Variants in LIPI observed in about 807,000 individuals in gnomAD.
The protein encoded by LIPI is lipase member I.
A neutral mutation model predicts 50.6 loss-of-function variants in LIPI; 59 were observed. The ratio of observed to expected loss-of-function variants is 1.16; its 90% confidence interval spans 0.94 to 1.45. LIPI has a LOEUF of 1.45. Ranked by LOEUF, LIPI falls within the 40% of genes most tolerant of loss-of-function variation. LIPI has a pLI of 0.00. For synonymous variants in LIPI, 203 were observed against 178.2 expected (o/e 1.14, Z -1.11); for missense variants, 586 against 536.3 (o/e 1.09, Z -0.92).
intron 2 of LIPI, among the ~76,000 whole-genome samples, chr21:14,187,801 A>G (rs2019507769): frequency 6.6e-6 from 1 of 152,184 alleles, no homozygotes; most frequent in South Asian, 2.1e-4. Flanking sequence ...AAGCACATAT[A>G]TATTAATTCA....
rs1403829706 is a variant in LIPI at position 14,152,611 on chromosome 21, T to G, written c.1080A>C (p.Leu360Phe). The G allele has an allele frequency of 1.9e-6, 3 of 1,590,240 alleles. No homozygotes were observed. Among genetic ancestry groups the G allele is most frequent in the Middle Eastern group, 1.7e-4 (1 of 5,750 alleles). The stretch of plus-strand genomic sequence containing the variant: ...GCTCTTCAATCATTCCAAGCTGATT[T>G]AATAATTTAAATGAAAACGAGCCAT... ...MMDGSFSFKLLNQLGMIEEPR... is the reference protein window; with the variant it reads ...MMDGSFSFKLFNQLGMIEEPR... The change falls in exon 8 of 10, where the codon TTA becomes TTC. Residue 360 changes from leucine (L) to phenylalanine (F), a missense_variant. Leu to Phe is a conservative substitution (Grantham distance 22). Transcript: ENST00000681601.
intron 8 of LIPI, among the ~76,000 whole-genome samples, chr21:14,148,059 G>A (rs867179510): frequency 2.6e-5 from 4 of 151,802 alleles, no homozygotes; most frequent in Non-Finnish European, 5.9e-5. Context: ...TAATATATCT[G>A]GTCCAATGAA....
intron 1 of LIPI, among the ~76,000 whole-genome samples, chr21:14,205,650 C>T (rs1453275235): frequency 6.6e-5 from 10 of 151,838 alleles, no homozygotes; most frequent in Admixed American, 6.6e-4. Flanking sequence ...CTGTATTTCT[C>T]TGTGTGATTT....
rs897666831 is a variant in LIPI at position 14,172,157 on chromosome 21, C to A, written c.644-5706G>T. Among the ~76,000 whole-genome samples, 49 of 151,858 alleles carry A rather than the reference C, an allele frequency of 3.2e-4. No homozygotes were observed. The East Asian group carries it at 7.4e-3, about 23-fold the overall frequency. On this transcript the variant is annotated intron_variant, in intron 4 of 9. Transcript: ENST00000681601. The stretch of plus-strand genomic sequence containing the variant: ...GCCATCAGAGAAATGCAAATCAAAA[C>A]CACAATGAGATACCATCTCACACCA...
chr21:14,171,937 A>G (rs969093624), intron 4 of LIPI, among the ~76,000 whole-genome samples: 7 of 150,072 alleles, frequency 4.7e-5, no homozygotes, highest in Non-Finnish European at 7.5e-5. Flanking sequence ...GCAACCTACA[A>G]AATGGGAGAA....
chr21:14,135,981 C>G (rs970896966), intron 9 of LIPI, among the ~76,000 whole-genome samples: 1 of 152,244 alleles, frequency 6.6e-6, no homozygotes, highest in Non-Finnish European at 1.5e-5. Context: ...AGCCACAACA[C>G]GATAAGGCAA....
Position 14,189,420 on chromosome 21 carries a change from C to T in LIPI, c.47-1G>A. Reference sequence around the variant, plus strand: ...AATTCAAGGCATGGTCTTTTATTATCTGAAATAAGAAAATGTCAGTCAAGC... The same window carrying T: ...AATTCAAGGCATGGTCTTTTATTATTTGAAATAAGAAAATGTCAGTCAAGC... On this transcript the variant is annotated splice_acceptor_variant, in intron 1 of 9. Transcript: ENST00000681601. LOFTEE classifies it high-confidence loss of function. 6 of 1,611,650 alleles carry T rather than the reference C, an allele frequency of 3.7e-6. No homozygotes were observed. Among genetic ancestry groups the T allele is most frequent in the Non-Finnish European group, 5.1e-6 (6 of 1,178,168 alleles).
At chr21:14,175,483 C>CT (rs766975665) in intron 4 of LIPI, among the ~76,000 whole-genome samples, 6 of 151,814 alleles carry the variant, frequency 4.0e-5, no homozygotes, top group Non-Finnish European at 5.9e-5. Flanking sequence ...TCTTTTACTG[C>CT]TTTTTTTTAT....
At chr21:14,129,908 T>C (rs1422065392) in intron 9 of LIPI, among the ~76,000 whole-genome samples, 1 of 152,014 alleles carries the variant, frequency 6.6e-6, no homozygotes, top group Non-Finnish European at 1.5e-5. Flanking sequence ...CATATGGTAC[T>C]CTCACTGTTG....
At chr21:14,169,851 A>C (rs937044968) in intron 4 of LIPI, among the ~76,000 whole-genome samples, 1 of 152,204 alleles carries the variant, frequency 6.6e-6, no homozygotes, top group African/African-American at 2.4e-5. Flanking sequence ...GAAGGCAAGA[A>C]ATAACTAAAA....
At chr21:14,166,502 A>C in intron 4 of LIPI, 51 bp from the exon 5 acceptor site, 2 of 950,422 alleles carry the variant, frequency 2.1e-6, no homozygotes, top group South Asian at 2.6e-5. Context: ...TCAGGTGAGT[A>C]TCTTGCATAA....
intron 7 of LIPI, among the ~76,000 whole-genome samples, chr21:14,161,231 G>T (rs1356167897): frequency 6.7e-6 from 1 of 149,888 alleles, no homozygotes; most frequent in African/African-American, 2.4e-5. Flanking sequence ...CTCTTCAACA[G>T]GTGATTGGTT....
At chr21:14,129,774 A>G (rs2017210863) in intron 9 of LIPI, among the ~76,000 whole-genome samples, 1 of 150,418 alleles carries the variant, frequency 6.6e-6, no homozygotes, top group Non-Finnish European at 1.5e-5. Flanking sequence ...ATAATAATCT[A>G]TTTGTTCAAT....
intron 9 of LIPI, among the ~76,000 whole-genome samples, chr21:14,132,783 C>A (rs966257216): frequency 6.6e-6 from 1 of 151,876 alleles, no homozygotes; most frequent in Non-Finnish European, 1.5e-5. Flanking sequence ...CAGAGAAGAT[C>A]CAAATAAACA....
At chr21:14,202,077 T>A (rs780770602) in intron 1 of LIPI, among the ~76,000 whole-genome samples, 35 of 152,116 alleles carry the variant, frequency 2.3e-4, no homozygotes, top group Non-Finnish European at 4.9e-4. Flanking sequence ...GAACTCCCAT[T>A]CACAATTGCT....
chr21:14,169,776 T>C (rs1018489451), intron 4 of LIPI, among the ~76,000 whole-genome samples: 121 of 152,090 alleles, frequency 8.0e-4, no homozygotes, highest in African/African-American at 2.6e-3. Context: ...GATCCAAAAT[T>C]GACACCCTAA....
Position 14,189,340 on chromosome 21 carries a change from C to T in LIPI, c.126G>A (p.Glu42=). The change falls in exon 2 of 10, where the codon GAG becomes GAA. Residue 42 remains glutamate, a synonymous_variant. Transcript: ENST00000681601. Reference sequence around the variant, plus strand: ...TCCTTGTATACATCATCAGAATGGTCTCTATTCTCGGAATAAATAAATCTC... The same window carrying T: ...TCCTTGTATACATCATCAGAATGGTTTCTATTCTCGGAATAAATAAATCTC... ...SFRDLFIPRI[E]TILMMYTRNN... 1 of 1,611,076 alleles carries T rather than the reference C, an allele frequency of 6.2e-7. No homozygotes were observed. Among genetic ancestry groups the T allele is most frequent in the Non-Finnish European group, 8.5e-7 (1 of 1,177,380 alleles).
intron 9 of LIPI, among the ~76,000 whole-genome samples, chr21:14,112,962 C>T (rs959127083): frequency 2.0e-5 from 3 of 152,080 alleles, no homozygotes; most frequent in Non-Finnish European, 4.4e-5. Context: ...TGAGAAAACC[C>T]AATTCATAGT....
At chr21:14,163,244 T>C (rs900599312) in intron 7 of LIPI, among the ~76,000 whole-genome samples, 175 bp downstream of exon 7, 2 of 151,776 alleles carry the variant, frequency 1.3e-5, no homozygotes, top group Non-Finnish European at 2.9e-5. Context: ...CCATTTTATC[T>C]AAAAAAAGAT....
Sources: allele counts gnomAD v4.1 joint callset (sites outside exome capture counted in the v4.1 genomes callset), GRCh38; gene constraint gnomAD v4.1.1; transcripts MANE v1.5; gene names NCBI Gene and HGNC (gene_info 2026-07-23, HGNC 2026-07-21).